SGCZ: variants seen among roughly 807,000 people sequenced by gnomAD.
The protein encoded by SGCZ is zeta-sarcoglycan.
A neutral mutation model predicts 41.3 loss-of-function variants in SGCZ; 40 were observed. That is an observed-to-expected ratio of 0.97 (90% CI 0.75 to 1.26). The LOEUF is 1.26. SGCZ is among the 50% of genes most tolerant of loss of function. The pLI is 0.00. For synonymous variants in SGCZ, 206 were observed against 137.5 expected, an observed-to-expected ratio of 1.50 and a Z score of -3.49; for missense variants, 552 against 369.8, an observed-to-expected ratio of 1.49 and a Z score of -4.04.
chr8:14,751,927 G>A (rs1317049084), intron 1 of SGCZ, among the ~76,000 whole-genome samples: 2 of 145,968 alleles, frequency 1.4e-5, no homozygotes, highest in Admixed American at 6.9e-5. Context: ...GTGAGACTCC[G>A]ACTCAAGAAA....
At chr8:15,228,611 A>G (rs1801848041) in intron 1 of SGCZ, among the ~76,000 whole-genome samples, 1 of 152,218 alleles carries the variant, frequency 6.6e-6, no homozygotes, top group South Asian at 2.1e-4. Context: ...AAAGTAACAG[A>G]CAACAGAAAT....
At chr8:15,103,609 G>A (rs996581299) in intron 1 of SGCZ, among the ~76,000 whole-genome samples, 1 of 152,026 alleles carries the variant, frequency 6.6e-6, no homozygotes, top group Admixed American at 6.6e-5. Context: ...CAAACTAGAG[G>A]AAGATTCATC....
At chr8:14,845,303 A>C (rs772901057) in intron 1 of SGCZ, among the ~76,000 whole-genome samples, 42 of 152,316 alleles carry the variant, frequency 2.8e-4, no homozygotes, top group Middle Eastern at 3.4e-3. Context: ...ACTGCTCCAG[A>C]CATGCCTAAC....
At chr8:14,395,293 T>C (rs1798880142) in intron 2 of SGCZ, among the ~76,000 whole-genome samples, 2 of 152,138 alleles carry the variant, frequency 1.3e-5, no homozygotes, top group African/African-American at 2.4e-5. Flanking sequence ...GAAGTTACTA[T>C]TGTGGTAATA....
chr8:14,526,109 GTTC>G (rs1197082095), intron 2 of SGCZ, among the ~76,000 whole-genome samples: 2 of 152,046 alleles, frequency 1.3e-5, no homozygotes, highest in African/African-American at 2.4e-5. Context: ...CAATAGAGTA[GTTC>G]TTCTTATAAA....
intron 1 of SGCZ, among the ~76,000 whole-genome samples, chr8:14,936,222 C>T (rs1055691657): frequency 6.6e-6 from 1 of 151,820 alleles, no homozygotes; most frequent in Non-Finnish European, 1.5e-5. Context: ...TTAATAAACA[C>T]ACAGATGCTC....
chr8:15,228,230 A>C (rs1801837447), intron 1 of SGCZ, among the ~76,000 whole-genome samples: 1 of 152,224 alleles, frequency 6.6e-6, no homozygotes, highest in Non-Finnish European at 1.5e-5. Context: ...AGCTCTTAAA[A>C]GATCTTCAGT....
At chr8:14,214,938 A>C (rs1291292657) in intron 4 of SGCZ, among the ~76,000 whole-genome samples, 1 of 152,194 alleles carries the variant, frequency 6.6e-6, no homozygotes, top group Non-Finnish European at 1.5e-5. Context: ...TCAATACCAC[A>C]CTTGCAGCAA....
chr8:14,377,252 C>A (rs185038202), intron 2 of SGCZ, among the ~76,000 whole-genome samples: 10 of 152,256 alleles, frequency 6.6e-5, no homozygotes, highest in African/African-American at 2.4e-4. Context: ...TCCATAAAAA[C>A]CCTACACAGT....
intron 1 of SGCZ, among the ~76,000 whole-genome samples, chr8:15,157,301 G>C (rs747633386): frequency 5.4e-4 from 82 of 152,016 alleles, no homozygotes; most frequent in Non-Finnish European, 9.1e-4. Context: ...GGGAGCCTGA[G>C]GCAGGAGGAA....
At chr8:14,420,113 T>A (rs1340649785) in intron 2 of SGCZ, among the ~76,000 whole-genome samples, 1 of 152,070 alleles carries the variant, frequency 6.6e-6, no homozygotes, top group Non-Finnish European at 1.5e-5. Flanking sequence ...TAATCCAGCC[T>A]GTTAAACTGC....
intron 2 of SGCZ, among the ~76,000 whole-genome samples, chr8:14,325,593 CATATAGTTGATTATATATAAT>C (rs1802066591): frequency 1.4e-5 from 2 of 145,226 alleles, no homozygotes; most frequent in South Asian, 4.3e-4. Context: ...TATATAATCA[CATATAGTTGATTATATATAAT>C]ATATAGTTGA....
At chr8:14,875,662 A>C (rs538109194) in intron 1 of SGCZ, among the ~76,000 whole-genome samples, 1 of 152,294 alleles carries the variant, frequency 6.6e-6, no homozygotes, top group South Asian at 2.1e-4. Flanking sequence ...TATCTCTGAG[A>C]TTCCTTCCAG....
At position 14,626,335 on chromosome 8, in the gene SGCZ, G is replaced by A. The variant is rs182831802; in HGVS notation, c.40-71409C>T. 3.5e-3 allele frequency among the ~76,000 whole-genome samples: 532 copies of A among 152,042 alleles called. 1 individual carries two copies. The highest frequency in any genetic ancestry group is 0.012 in the African/African-American group (479 of 41,470). On this transcript the variant is annotated intron_variant, in intron 1 of 7. Transcript: ENST00000382080. ...CAACCCCCTCAACAGGCTCCTGTGT[G>A]TGTTGTTCCCCTCCCTGTATCCATG...
intron 4 of SGCZ, 85 bp downstream of exon 4, chr8:14,237,507 A>ACAC (rs2117167585): frequency 8.4e-7 from 1 of 1,190,254 alleles, no homozygotes. Flanking sequence ...AACAACAACA[A>ACAC]CGACAACAAC....
chr8:14,209,777 C>T (rs956872863), intron 4 of SGCZ, among the ~76,000 whole-genome samples: 18 of 152,018 alleles, frequency 1.2e-4, no homozygotes, highest in African/African-American at 4.3e-4. Context: ...GAGCTGGGAT[C>T]AAAGTTACGT....
intron 3 of SGCZ, among the ~76,000 whole-genome samples, chr8:14,279,276 C>G (rs182256255): frequency 2.6e-3 from 391 of 152,120 alleles, no homozygotes; most frequent in Middle Eastern, 0.01. Flanking sequence ...CATTTACAAA[C>G]TTTGCCAAAT....
intron 1 of SGCZ, among the ~76,000 whole-genome samples, chr8:14,679,155 T>C (rs1425135303): frequency 6.6e-6 from 1 of 152,170 alleles, no homozygotes; most frequent in African/African-American, 2.4e-5. Context: ...TATAATAATA[T>C]ATCACATACA....
chr8:14,602,302 T>C (rs1460416602), intron 1 of SGCZ, among the ~76,000 whole-genome samples: 1 of 152,090 alleles, frequency 6.6e-6, no homozygotes, highest in Non-Finnish European at 1.5e-5. Flanking sequence ...GTTGTATTTA[T>C]GACAGTGAGG....
Sources: allele counts gnomAD v4.1 joint callset (sites outside exome capture counted in the v4.1 genomes callset), GRCh38; gene constraint gnomAD v4.1.1; transcripts MANE v1.5; gene names NCBI Gene and HGNC (gene_info 2026-07-23, HGNC 2026-07-21).